The following KCNG3 variants were observed in gnomAD, a reference collection of about 807,000 sequenced individuals.
KCNG3 encodes the protein voltage-gated potassium channel regulatory subunit KCNG3.
In KCNG3, 15 loss-of-function variants were observed where a neutral mutation model predicts 29.0. The observed-to-expected ratio is 0.52, with a 90% CI of 0.35 to 0.80. KCNG3 has a LOEUF of 0.80. Among genes scored for constraint, KCNG3 ranks in the 30% least tolerant of loss-of-function variants. The pLI, the probability that KCNG3 is intolerant of heterozygous loss-of-function variation, is 0.01. For missense variants in KCNG3, 512 were observed against 605.7 expected, an observed-to-expected ratio of 0.85 and a Z score of 1.62; for synonymous variants, 322 against 248.9, an observed-to-expected ratio of 1.29 and a Z score of -2.76.
At chr2:42,471,275 A>T (rs1468619710) in intron 1 of KCNG3, among the ~76,000 whole-genome samples, 1 of 152,100 alleles carries the variant, frequency 6.6e-6, no homozygotes, top group African/African-American at 2.4e-5. Context: ...CAAATGTTCA[A>T]CTGATGAATG....
the KCNG3 span, among the ~76,000 whole-genome samples, chr2:42,399,056 CTTT>C: frequency 0.011 from 1,143 of 107,624 alleles, 14 homozygotes; most frequent in African/African-American, 0.038. Context: ...TTTTTCTTTT[CTTT>C]TTTTTTTTTT....
the KCNG3 span, among the ~76,000 whole-genome samples, chr2:42,429,856 G>C: frequency 2.1e-4 from 32 of 152,286 alleles, no homozygotes; most frequent in Admixed American, 1.8e-3. Flanking sequence ...AACAATGCGG[G>C]TGAGAGTGAT....
At chr2:42,422,217 C>A in the KCNG3 span, among the ~76,000 whole-genome samples, 3 of 151,998 alleles carry the variant, frequency 2.0e-5, no homozygotes, top group African/African-American at 7.2e-5. Context: ...AGAGGTGGGA[C>A]CTTTAAGGGG....
chr2:42,468,198 G>C (rs544254863), intron 1 of KCNG3, among the ~76,000 whole-genome samples: 1 of 152,164 alleles, frequency 6.6e-6, no homozygotes, highest in Non-Finnish European at 1.5e-5. Context: ...ACTGCAGCAA[G>C]ACAAAGGTAT....
At position 42,471,182 on chromosome 2, in the gene KCNG3, GTGTA is replaced by G. The variant is rs1018092848; in HGVS notation, c.665+21651_665+21654del. On this transcript the variant is annotated intron_variant, in intron 1 of 1. Coordinates refer to ENST00000306078, the MANE Select transcript of KCNG3 (RefSeq NM_133329.6). ...TGTGTGTGTGTGTGTGTGTGTGTGTGTGTATATATATATATATATTCACACAAAA... is the reference window on the plus strand; with the variant it reads ...TGTGTGTGTGTGTGTGTGTGTGTGTGTATATATATATATATTCACACAAAA... Among the ~76,000 whole-genome samples, 19 of 147,496 alleles carry G rather than the reference GTGTA, an allele frequency of 1.3e-4. No homozygotes were observed. The South Asian group carries it at 1.9e-3, about 15-fold the overall frequency.
chr2:42,464,756 T>C (rs900968899), intron 1 of KCNG3, among the ~76,000 whole-genome samples: 1 of 152,174 alleles, frequency 6.6e-6, no homozygotes, highest in African/African-American at 2.4e-5. Context: ...GGAATCCTTA[T>C]CTTAGGTCCA....
chr2:42,485,024 C>T (rs1157209265), intron 1 of KCNG3, among the ~76,000 whole-genome samples: 1 of 152,094 alleles, frequency 6.6e-6, no homozygotes, highest in Non-Finnish European at 1.5e-5. Flanking sequence ...GTACTTAAAA[C>T]CTATTGGATT....
At chr2:42,435,835 G>A in the KCNG3 span, among the ~76,000 whole-genome samples, 2 of 152,166 alleles carry the variant, frequency 1.3e-5, no homozygotes, top group African/African-American at 4.8e-5. Context: ...CAGTTTGGCA[G>A]CTCCTCAAAA....
At chr2:42,487,742 C>A (rs972646343) in intron 1 of KCNG3, among the ~76,000 whole-genome samples, 1 of 152,118 alleles carries the variant, frequency 6.6e-6, no homozygotes, top group African/African-American at 2.4e-5. Context: ...TCTCCTTTGA[C>A]CCAATGATTT....
At chr2:42,484,513 T>C (rs1021006198) in intron 1 of KCNG3, among the ~76,000 whole-genome samples, 1 of 152,184 alleles carries the variant, frequency 6.6e-6, no homozygotes, top group Admixed American at 6.5e-5. Flanking sequence ...TGTGTGTATA[T>C]ATATGTAATT....
chr2:42,488,338 C>T (rs377438520), intron 1 of KCNG3, among the ~76,000 whole-genome samples: 16 of 152,214 alleles, frequency 1.1e-4, no homozygotes, highest in African/African-American at 3.6e-4. Flanking sequence ...TTATTCCTTT[C>T]GTACCATTAA....
chr2:42,415,350 C>T, the KCNG3 span: 1 of 152,280 alleles, frequency 6.6e-6, no homozygotes, highest in Non-Finnish European at 1.5e-5. Flanking sequence ...TTATTGCTCC[C>T]AAATAATCAC....
intron 1 of KCNG3, among the ~76,000 whole-genome samples, chr2:42,489,701 G>A (rs978177805): frequency 3.2e-5 from 3 of 93,448 alleles, no homozygotes; most frequent in Non-Finnish European, 4.7e-5. Context: ...GCACAGTAAG[G>A]GACATTTGAG....
chr2:42,440,446 C>A (rs1273331257), downstream of KCNG3: 3 of 144,416 alleles, frequency 2.1e-5, no homozygotes, highest in African/African-American at 5.2e-5. Flanking sequence ...TTTAATATTT[C>A]AAATATTGTT....
At chr2:42,457,627 T>TCACCA (rs1553327821) in intron 1 of KCNG3, among the ~76,000 whole-genome samples, 1 of 125,434 alleles carries the variant, frequency 8.0e-6, no homozygotes, top group Non-Finnish European at 1.7e-5. Context: ...CAGGCAGATC[T>TCACCA]CACACACACA....
the KCNG3 span, among the ~76,000 whole-genome samples, chr2:42,424,184 T>C: frequency 1.3e-5 from 2 of 152,214 alleles, no homozygotes; most frequent in Non-Finnish European, 2.9e-5. Context: ...AAAAATTCCT[T>C]GGCCTTGAAA....
chr2:42,432,820 C>G, the KCNG3 span, among the ~76,000 whole-genome samples: 1 of 151,786 alleles, frequency 6.6e-6, no homozygotes, highest in East Asian at 1.9e-4. Context: ...AAATTTCTTG[C>G]AGAGATTTTA....
the KCNG3 span, among the ~76,000 whole-genome samples, chr2:42,398,695 G>A: frequency 2.6e-5 from 4 of 152,218 alleles, no homozygotes; most frequent in African/African-American, 7.2e-5. Flanking sequence ...ACAAAGATGC[G>A]AGAGGCAAGG....
the KCNG3 span, among the ~76,000 whole-genome samples, chr2:42,394,843 C>T: frequency 5.3e-5 from 8 of 152,206 alleles, no homozygotes; most frequent in Non-Finnish European, 1.2e-4. Context: ...ACCTTGGCAA[C>T]ATAAACTTTC....
Sources: gnomAD v4.1 joint callset for allele counts (sites outside exome capture counted in the v4.1 genomes callset) on GRCh38, gnomAD v4.1.1 for gene constraint, MANE v1.5 for transcripts, NCBI Gene and HGNC (gene_info 2026-07-23, HGNC 2026-07-21) for gene names.